Variants in PDE4D observed in about 807,000 individuals in gnomAD.
PDE4D encodes the protein 3',5'-cyclic-AMP phosphodiesterase 4D.
A neutral mutation model predicts 87.4 loss-of-function variants in PDE4D; 24 were observed. The observed-to-expected ratio is 0.27, with a 90% CI of 0.20 to 0.39. The LOEUF is 0.39. Among genes scored for constraint, PDE4D ranks in the 10% least tolerant of loss-of-function variants. The pLI, the probability that PDE4D is intolerant of heterozygous loss-of-function variation, is 1.00. For missense variants in PDE4D, 714 were observed against 1,041.0 expected (o/e 0.69, Z 4.32); for synonymous variants, 384 against 383.2 (o/e 1.00, Z -0.02).
intron 5 of PDE4D, among the ~76,000 whole-genome samples, chr5:59,111,657 C>A (rs1056252976): frequency 4.6e-5 from 7 of 152,122 alleles, no homozygotes; most frequent in Non-Finnish European, 7.4e-5. Context: ...TTCTAAATCC[C>A]AAGGGGAATG....
chr5:60,458,386 C>CAAAAAAAAAAAAAA (rs61006284), intron 1 of PDE4D, among the ~76,000 whole-genome samples: 6 of 75,164 alleles, frequency 8.0e-5, no homozygotes, highest in East Asian at 5.9e-4. Context: ...GACTTCATTG[C>CAAAAAAAAAAAAAA]AAAAAAAAAA....
intron 2 of PDE4D, among the ~76,000 whole-genome samples, chr5:60,128,389 T>G (rs1224520701): frequency 6.6e-6 from 1 of 151,966 alleles, no homozygotes; most frequent in East Asian, 1.9e-4. Flanking sequence ...CCTGGGCCCA[T>G]AGCTAGACCA....
At chr5:60,181,883 A>G (rs1213041627) in intron 2 of PDE4D, among the ~76,000 whole-genome samples, 1 of 152,204 alleles carries the variant, frequency 6.6e-6, no homozygotes, top group Non-Finnish European at 1.5e-5. Context: ...TAAAATTTTT[A>G]CTTTAACTCC....
At chr5:59,495,799 C>T (rs2153662229) in intron 1 of PDE4D, among the ~76,000 whole-genome samples, 1 of 152,258 alleles carries the variant, frequency 6.6e-6, no homozygotes, top group Admixed American at 6.5e-5. Context: ...CTTCAGTGCC[C>T]TGCTGCTCGT....
intron 1 of PDE4D, among the ~76,000 whole-genome samples, chr5:59,273,362 C>T (rs558758193): frequency 6.6e-6 from 1 of 151,906 alleles, no homozygotes; most frequent in South Asian, 2.1e-4. Flanking sequence ...CATATATATA[C>T]ACACAAACAT....
chr5:60,175,118 T>C (rs1783799301), intron 2 of PDE4D, among the ~76,000 whole-genome samples: 1 of 152,110 alleles, frequency 6.6e-6, no homozygotes, highest in Admixed American at 6.6e-5. Flanking sequence ...TCTTTCTTTC[T>C]CCCTTTTATT....
Position 59,077,214 on chromosome 5 carries a change from A to G in PDE4D, c.809-38243T>C, listed in dbSNP as rs1765832554. Among the ~76,000 whole-genome samples, 2 of 152,198 alleles carry G rather than the reference A, an allele frequency of 1.3e-5. 1 individual carries two copies. Among genetic ancestry groups the G allele is most frequent in the African/African-American group, 4.8e-5 (2 of 41,452 alleles). On this transcript the variant is annotated intron_variant, in intron 5 of 14. Coordinates refer to ENST00000340635, the MANE Select transcript of PDE4D (RefSeq NM_001104631.2). ...TACTCTTAGCATAATGTCTACATAG[A>G]GTAAATATTTAACAACAAAATAACA...
At chr5:59,255,686 A>T (rs1205738922) in intron 1 of PDE4D, among the ~76,000 whole-genome samples, 1 of 152,136 alleles carries the variant, frequency 6.6e-6, no homozygotes, top group Non-Finnish European at 1.5e-5. Flanking sequence ...CTGCAGAACA[A>T]TGAATGTGCA....
At chr5:59,883,026 G>A (rs760184791) in intron 1 of PDE4D, among the ~76,000 whole-genome samples, 4 of 152,112 alleles carry the variant, frequency 2.6e-5, no homozygotes, top group Admixed American at 6.5e-5. Flanking sequence ...TGATCTGCCC[G>A]TCTTGGCCTC....
intron 1 of PDE4D, among the ~76,000 whole-genome samples, chr5:60,316,684 G>A (rs1183451151): frequency 2.0e-5 from 3 of 152,124 alleles, no homozygotes; most frequent in African/African-American, 2.4e-5. Context: ...TTTATTGAGA[G>A]TTTTTAGCAT....
intron 1 of PDE4D, among the ~76,000 whole-genome samples, chr5:60,241,327 G>A (rs1441900352): frequency 6.8e-6 from 1 of 146,040 alleles, no homozygotes; most frequent in Non-Finnish European, 1.5e-5. Context: ...AGGCTGGAGG[G>A]TAGTGGTGTG....
intron 1 of PDE4D, among the ~76,000 whole-genome samples, chr5:60,465,262 C>T (rs1482995053): frequency 6.6e-6 from 1 of 152,268 alleles, no homozygotes; most frequent in South Asian, 2.1e-4. Flanking sequence ...AAACTAACAC[C>T]TCATTCCTCT....
chr5:59,340,065 T>C (rs1270513805), intron 1 of PDE4D, among the ~76,000 whole-genome samples: 1 of 152,174 alleles, frequency 6.6e-6, no homozygotes, highest in Non-Finnish European at 1.5e-5. Context: ...TATTTGCTAA[T>C]GTTTTAATTC....
At chr5:60,042,245 A>G (rs2152869042) in intron 2 of PDE4D, among the ~76,000 whole-genome samples, 1 of 152,232 alleles carries the variant, frequency 6.6e-6, no homozygotes, top group South Asian at 2.1e-4. Context: ...CTGCCTTCCT[A>G]GATTCCTCCT....
At chr5:60,236,312 T>C (rs1031761382) in intron 1 of PDE4D, among the ~76,000 whole-genome samples, 2 of 151,864 alleles carry the variant, frequency 1.3e-5, no homozygotes, top group Admixed American at 6.6e-5. Flanking sequence ...AGACAAGCTA[T>C]AGACTGAAAG....
At chr5:59,310,161 G>A (rs896253457) in intron 1 of PDE4D, among the ~76,000 whole-genome samples, 1 of 152,156 alleles carries the variant, frequency 6.6e-6, no homozygotes, top group African/African-American at 2.4e-5. Context: ...TAGGGCTTGA[G>A]CCTAGGCCAT....
At chr5:59,108,515 A>G (rs1772005921) in intron 5 of PDE4D, among the ~76,000 whole-genome samples, 1 of 152,124 alleles carries the variant, frequency 6.6e-6, no homozygotes, top group Non-Finnish European at 1.5e-5. Context: ...AGATTAAGAA[A>G]AGGATTAGGG....
In PDE4D at chr5:59,683,222, T is replaced by C. The variant is rs185373073; in HGVS notation, c.455+209946A>G. Among the ~76,000 whole-genome samples the C allele has an allele frequency of 2.7e-4, 41 of 152,276 alleles. No individual in the cohort carries two copies. The East Asian group carries it at 6.7e-3, about 25-fold the overall frequency. On this transcript the variant is annotated intron_variant, in intron 1 of 14. Coordinates refer to ENST00000340635, the MANE Select transcript of PDE4D (RefSeq NM_001104631.2). Reference sequence around the variant, plus strand: ...GGAAACGTGTGTATGGGTAGACGGATACATAGATGATTAGATAGACAGAAA... The same window carrying C: ...GGAAACGTGTGTATGGGTAGACGGACACATAGATGATTAGATAGACAGAAA...
rs191450320 is a variant in PDE4D, at chr5:60,002,303, C to T, written c.43-13586G>A. ...AAAAAACTCCTAACAAAGAAAAGCA[C>T]AGGACCATGTGGCAACAAGGGTGAA... On this transcript the variant is annotated intron_variant, in intron 2 of 16. Coordinates refer to the PDE4D transcript ENST00000502484. Among the ~76,000 whole-genome samples the T allele has an allele frequency of 1.5e-4, 22 of 151,508 alleles. No individual in the cohort carries two copies. In the East Asian group the frequency reaches 4.3e-3, roughly 29 times the overall value.
Sources: allele counts gnomAD v4.1 joint callset (sites outside exome capture counted in the v4.1 genomes callset), GRCh38; gene constraint gnomAD v4.1.1; transcripts MANE v1.5; gene names NCBI Gene and HGNC (gene_info 2026-07-23, HGNC 2026-07-21).